ESRRG: variants seen among roughly 807,000 people sequenced by gnomAD.
ESRRG encodes the protein estrogen-related receptor gamma.
In ESRRG, 13 loss-of-function variants were observed where a neutral mutation model predicts 44.0. The observed-to-expected ratio is 0.30, with a 90% CI of 0.19 to 0.47. The LOEUF (loss-of-function observed/expected upper bound fraction) is 0.47. Among genes scored for constraint, ESRRG ranks in the 20% least tolerant of loss-of-function variants. ESRRG has a pLI of 1.00. For synonymous variants in ESRRG, 215 were observed against 214.6 expected (o/e 1.00, Z -0.02); for missense variants, 395 against 580.6 (o/e 0.68, Z 3.29).
intron 1 of ESRRG, among the ~76,000 whole-genome samples, chr1:216,697,380 T>C (rs1055757179): frequency 6.6e-6 from 1 of 152,220 alleles, no homozygotes; most frequent in African/African-American, 2.4e-5. Flanking sequence ...ATTTGTGAGA[T>C]TTGTTGTGAT....
intron 1 of ESRRG, among the ~76,000 whole-genome samples, chr1:216,680,185 T>C (rs181354517): frequency 1.3e-5 from 2 of 152,186 alleles, no homozygotes; most frequent in Non-Finnish European, 2.9e-5. Flanking sequence ...AAAGTCAGAA[T>C]TGCCATTTAT....
chr1:216,952,406 T>C (rs1199120843), intron 1 of ESRRG, among the ~76,000 whole-genome samples: 2 of 152,154 alleles, frequency 1.3e-5, no homozygotes, highest in Non-Finnish European at 2.9e-5. Context: ...GGATCCCTAA[T>C]AAATATTCCC....
chr1:216,870,467 G>T (rs1382320783), intron 2 of ESRRG, among the ~76,000 whole-genome samples: 1 of 151,732 alleles, frequency 6.6e-6, no homozygotes, highest in African/African-American at 2.4e-5. Context: ...TTGTTGTCTG[G>T]TTTTGGTACA....
In ESRRG at chr1:216,510,648, G is replaced by A. The variant is rs558351356; in HGVS notation, c.1133-3465C>T. The stretch of plus-strand genomic sequence containing the variant: ...CGCCTGTAATCCAAGCACTTTGGGA[G>A]GCCGAGGCAGGCAGATCACGAGGTC... On this transcript the variant is annotated intron_variant, in intron 6 of 6. Coordinates refer to ENST00000408911, the MANE Select transcript of ESRRG (RefSeq NM_001438.4). Among the ~76,000 whole-genome samples the A allele has an allele frequency of 7.4e-4, 113 of 152,262 alleles. 1 individual carries two copies. The highest frequency in any genetic ancestry group is 2.9e-3 in the Admixed American group (44 of 15,308).
At chr1:217,058,239 C>T (rs572160894) in intron 1 of ESRRG, among the ~76,000 whole-genome samples, 35 of 152,150 alleles carry the variant, frequency 2.3e-4, no homozygotes, top group East Asian at 5.8e-4. Context: ...CTAACGCAAA[C>T]GCTTTAGGCT....
chr1:216,852,593 A>G (rs1276389873), intron 2 of ESRRG, among the ~76,000 whole-genome samples: 1 of 152,232 alleles, frequency 6.6e-6, no homozygotes, highest in Non-Finnish European at 1.5e-5. Context: ...TTAATGTAAG[A>G]TAAAATTGAG....
At chr1:216,697,093 C>T (rs1350212974) in intron 1 of ESRRG, among the ~76,000 whole-genome samples, 1 of 151,796 alleles carries the variant, frequency 6.6e-6, no homozygotes, top group African/African-American at 2.4e-5. Flanking sequence ...AGCCTCCCAA[C>T]TAGCTGGGAC....
At chr1:217,030,004 A>T (rs2081822327) in intron 1 of ESRRG, among the ~76,000 whole-genome samples, 1 of 152,164 alleles carries the variant, frequency 6.6e-6, no homozygotes, top group Admixed American at 6.5e-5. Flanking sequence ...AAAAGAGAAA[A>T]ACCGAAGCTG....
intron 5 of ESRRG, among the ~76,000 whole-genome samples, chr1:216,536,724 T>G (rs2051078080): frequency 6.6e-6 from 1 of 152,108 alleles, no homozygotes; most frequent in Non-Finnish European, 1.5e-5. Flanking sequence ...ATTTGTAAAA[T>G]TCACTGAGTA....
intron 2 of ESRRG, among the ~76,000 whole-genome samples, chr1:216,906,240 GAGA>G (rs2059674859): frequency 6.6e-6 from 1 of 152,096 alleles, no homozygotes; most frequent in Non-Finnish European, 1.5e-5. Context: ...TAAAATGAAA[GAGA>G]AGAACTATCA....
At chr1:217,078,648 C>T (rs897861955) in intron 1 of ESRRG, among the ~76,000 whole-genome samples, 5 of 152,166 alleles carry the variant, frequency 3.3e-5, no homozygotes, top group African/African-American at 4.8e-5. Flanking sequence ...GGGACTTATA[C>T]GTAGTTCCTG....
intron 1 of ESRRG, among the ~76,000 whole-genome samples, chr1:216,690,992 T>C (rs1187026889): frequency 1.3e-5 from 2 of 152,206 alleles, no homozygotes; most frequent in Admixed American, 1.3e-4. Context: ...TGTGTATATT[T>C]TGGAAGAAAA....
intron 1 of ESRRG, among the ~76,000 whole-genome samples, chr1:217,053,338 C>T (rs770072977): frequency 1.3e-5 from 2 of 151,708 alleles, no homozygotes; most frequent in Non-Finnish European, 2.9e-5. Context: ...GCCTGTAATC[C>T]CAGCTGCTCA....
At chr1:216,791,039 G>T (rs908142559) in intron 2 of ESRRG, among the ~76,000 whole-genome samples, 1 of 152,132 alleles carries the variant, frequency 6.6e-6, no homozygotes, top group Non-Finnish European at 1.5e-5. Context: ...GTAGTCAAAA[G>T]CATTCTTTAC....
At chr1:216,625,647 T>C (rs895987471) in intron 3 of ESRRG, among the ~76,000 whole-genome samples, 1 of 152,162 alleles carries the variant, frequency 6.6e-6, no homozygotes, top group Non-Finnish European at 1.5e-5. Flanking sequence ...TCTCCAGCAC[T>C]TAAAAGTTAT....
At chr1:216,531,166 A>G (rs1467776984) in intron 5 of ESRRG, among the ~76,000 whole-genome samples, 1 of 152,170 alleles carries the variant, frequency 6.6e-6, no homozygotes, top group African/African-American at 2.4e-5. Context: ...TGCTTGTCAC[A>G]GATATGAAAT....
At chr1:216,726,530 C>T (rs1024512108), upstream of ESRRG, among the ~76,000 whole-genome samples, 1 of 151,976 alleles carries the variant, frequency 6.6e-6, no homozygotes, top group African/African-American at 2.4e-5. Context: ...CAAAAAAAAT[C>T]TGGAAAAACA....
intron 2 of ESRRG, among the ~76,000 whole-genome samples, chr1:216,734,156 T>A (rs1385265951): frequency 6.6e-6 from 1 of 152,134 alleles, no homozygotes; most frequent in Non-Finnish European, 1.5e-5. Flanking sequence ...GTCTCTGCCT[T>A]CCATTGAGTA....
chr1:216,975,300 T>C (rs1015062550), intron 1 of ESRRG, among the ~76,000 whole-genome samples: 6 of 152,188 alleles, frequency 3.9e-5, no homozygotes, highest in African/African-American at 1.4e-4. Flanking sequence ...TTACCAACCA[T>C]TTTAAATACA....
Sources: allele counts gnomAD v4.1 joint callset (sites outside exome capture counted in the v4.1 genomes callset), GRCh38; gene constraint gnomAD v4.1.1; transcripts MANE v1.5; gene names NCBI Gene and HGNC (gene_info 2026-07-23, HGNC 2026-07-21).